UTP23: variants seen among roughly 807,000 people sequenced by gnomAD.
UTP23 encodes the protein rRNA-processing protein UTP23 homolog.
UTP23 carries 10 observed loss-of-function variants against 19.8 expected under a neutral mutation model. The ratio of observed to expected loss-of-function variants is 0.50; its 90% CI spans 0.31 to 0.86. UTP23 has a LOEUF of 0.86. Ranked by LOEUF, UTP23 falls within the 40% of genes least tolerant of loss-of-function variation. UTP23 has a pLI of 0.05. For missense variants in UTP23, 282 were observed against 293.1 expected, an observed-to-expected ratio of 0.96 and a Z score of 0.28; for synonymous variants, 108 against 105.4, an observed-to-expected ratio of 1.02 and a Z score of -0.15.
In UTP23 at chr8:116,773,518, G is replaced by A. The variant is rs1483597601; in HGVS notation, c.*1676G>A. ...ACTAAAAATTACAATGTATTAGTAA[G>A]TTTAATATTTTGACAGGGCATGGTG... On this transcript the variant is annotated 3_prime_UTR_variant, in exon 3 of 3. Coordinates refer to ENST00000309822, the MANE Select transcript of UTP23 (RefSeq NM_032334.3). The A allele has an allele frequency of 1.0e-6, 1 of 983,280 alleles. No homozygotes were observed. The highest frequency in any genetic ancestry group is 1.2e-6 in the Non-Finnish European group (1 of 828,102). 60.9% of individuals were successfully genotyped at this position (983,280 alleles called of 1,614,324 possible). A position where few individuals can be genotyped will look rare whatever the true frequency, so the allele number is the denominator to read the frequency against.
In UTP23 at chr8:116,770,341, C is replaced by T; in HGVS notation, c.338C>T (p.Pro113Leu). ...CTTTCCATGGTTGAAGAGGGAAATCCTCATCATTATTTTGTGGCAACACAG... is the reference window on the plus strand; with the variant it reads ...CTTTCCATGGTTGAAGAGGGAAATCTTCATCATTATTTTGTGGCAACACAG... Reference protein sequence around the residue: ...CLLSMVEEGNPHHYFVATQDQ... With the variant: ...CLLSMVEEGNLHHYFVATQDQ... The change falls in exon 2 of 3, where the codon CCT becomes CTT. Residue 113 changes from proline (P) to leucine (L), a missense_variant. By Grantham distance (98) the Pro-to-Leu change is moderately conservative. Transcript: ENST00000309822. The T allele has an allele frequency of 1.2e-6, 2 of 1,612,132 alleles. No individual in the cohort carries two copies. The highest frequency in any genetic ancestry group is 1.7e-6 in the Non-Finnish European group (2 of 1,178,506).
At position 116,770,303 on chromosome 8, in the gene UTP23, A is replaced by C; in HGVS notation, c.300A>C (p.Gly100=). 1 of 1,614,096 alleles carries C rather than the reference A, an allele frequency of 6.2e-7. No individual in the cohort carries two copies. Among genetic ancestry groups the C allele is most frequent in the South Asian group, 1.1e-5 (1 of 91,084 alleles). The change falls in exon 2 of 3, where the codon GGA becomes GGC. Residue 100 remains glycine (G), a synonymous_variant. Transcript: ENST00000309822. ...NCPHFKNAVS[G]SECLLSMVEE... The stretch of plus-strand genomic sequence containing the variant: ...CTCATTTCAAGAATGCAGTGAGTGG[A>C]TCAGAATGTCTGCTTTCCATGGTTG...
rs1164715559 is a variant in UTP23, at chr8:116,774,635, T to G, written c.*2793T>G. ...AGAATATATTCCATACGGGAATATA[T>G]TAGTCATTGATGTATTTTGCCGGTA... On this transcript the variant is annotated 3_prime_UTR_variant, in exon 3 of 3. Transcript: ENST00000309822. 53 of 783,938 alleles carry G rather than the reference T, an allele frequency of 6.8e-5. No individual in the cohort carries two copies. The highest frequency in any genetic ancestry group is 7.9e-5 in the Non-Finnish European group (51 of 647,632). The allele number at this position is 783,938 out of a possible 1,614,324, so 48.6% of individuals were successfully genotyped here.
At position 116,771,862 on chromosome 8, in the gene UTP23, G is replaced by A. The variant is rs1815661151; in HGVS notation, c.*20G>A. ...GAATGAATCCTTTGGATACTTTCAAGGACATTCAAATGTGAAAATGAATTT... is the reference window on the plus strand; with the variant it reads ...GAATGAATCCTTTGGATACTTTCAAAGACATTCAAATGTGAAAATGAATTT... On this transcript the variant is annotated 3_prime_UTR_variant, in exon 3 of 3. Transcript: ENST00000309822. 1.3e-6 allele frequency: 2 copies of A among 1,523,690 alleles called. No individual in the cohort carries two copies. Among genetic ancestry groups the A allele is most frequent in the East Asian group, 2.3e-5 (1 of 43,618 alleles). The allele number at this position is 1,523,690 out of a possible 1,614,324, so 94.4% of individuals were successfully genotyped here.
chr8:116,771,400 A>G, intron 2 of UTP23, 56 bp from the exon 3 acceptor site: 2 of 1,340,756 alleles, frequency 1.5e-6, no homozygotes, highest in South Asian at 4.7e-5. Flanking sequence ...TTGAAAACCT[A>G]TTTAAGGTAC....
At position 116,770,367 on chromosome 8, in the gene UTP23, G is replaced by C. The variant is rs754484396; in HGVS notation, c.363+1G>C. On this transcript the variant is annotated splice_donor_variant, in intron 2 of 2. Coordinates refer to ENST00000309822, the MANE Select transcript of UTP23 (RefSeq NM_032334.3). LOFTEE classifies it high-confidence loss of function. ...TCATCATTATTTTGTGGCAACACAG[G>C]TGATACTACTTTTAAAACCACAGGC... 21 of 1,600,032 alleles carry C rather than the reference G, an allele frequency of 1.3e-5. No individual in the cohort carries two copies. In the South Asian group the frequency reaches 2.3e-4, roughly 18 times the overall value.
rs779057620 is a variant in UTP23, at chr8:116,771,678, C to T, written c.586C>T (p.Arg196Cys). The change falls in exon 3 of 3, where the codon CGC becomes TGC. Residue 196 changes from arginine to cysteine, a missense_variant. Coordinates refer to ENST00000309822, the MANE Select transcript of UTP23 (RefSeq NM_032334.3). The stretch of plus-strand genomic sequence containing the variant: ...CACTGAACAGAGTAGAAGAAAAAAG[C>T]GCAAGAAAATAAGTGGTCCCAATCC... ...KNTEQSRRKK[R>C]KKISGPNPLS... is the part of the protein sequence containing the mutation. The T allele has an allele frequency of 3.2e-5, 52 of 1,610,538 alleles. No individual in the cohort carries two copies. Among genetic ancestry groups the T allele is most frequent in the Middle Eastern group, 1.6e-4 (1 of 6,064 alleles).
intron 1 of UTP23, 47 bp from the exon 2 acceptor site, chr8:116,770,145 C>T (rs768472105): frequency 4.1e-6 from 6 of 1,457,592 alleles, no homozygotes; most frequent in Middle Eastern, 3.7e-4. Flanking sequence ...GTTTTTTACA[C>T]CTTATGTAAA....
chr8:116,770,307 G>A lies in UTP23; in HGVS notation c.304G>A (p.Glu102Lys), dbSNP rs776513212. The A allele has an allele frequency of 6.2e-7, 1 of 1,614,026 alleles. No individual in the cohort carries two copies. The highest frequency in any genetic ancestry group is 1.7e-5 in the Admixed American group (1 of 60,032). The change falls in exon 2 of 3, where the codon GAA (glutamate) becomes AAA (lysine). Residue 102 changes from glutamate (E) to lysine (K), a missense_variant. Glu to Lys is a moderately conservative substitution (Grantham distance 56, BLOSUM62 1). Transcript: ENST00000309822. ...PHFKNAVSGS[E>K]CLLSMVEEGN... is the part of the protein sequence containing the mutation. The stretch of plus-strand genomic sequence containing the variant: ...TTTCAAGAATGCAGTGAGTGGATCA[G>A]AATGTCTGCTTTCCATGGTTGAAGA...
At chr8:116,769,873 C>G (rs1418799441) in intron 1 of UTP23, among the ~76,000 whole-genome samples, 1 of 152,160 alleles carries the variant, frequency 6.6e-6, no homozygotes. Context: ...TACTTGAAAT[C>G]TCAGAATGGG....
chr8:116,767,427 A>G (rs1247529705), intron 1 of UTP23, among the ~76,000 whole-genome samples: 2 of 152,206 alleles, frequency 1.3e-5, no homozygotes, highest in Non-Finnish European at 2.9e-5. Context: ...CATGGCCAGT[A>G]AAGTGCATAA....
In UTP23 at chr8:116,771,790, A is replaced by G. The variant is rs1232560806; in HGVS notation, c.698A>G (p.Asn233Ser). 2.5e-6 allele frequency: 4 copies of G among 1,604,360 alleles called. No individual in the cohort carries two copies. In the South Asian group the frequency reaches 3.4e-5, roughly 14 times the overall value. ...AAAAGAAAAAGAAAAAGAATTCGGA[A>G]CAGATCTAACCCAAAAGTACTTTCT... The part of the protein sequence containing the change: ...EKKRKRKRIR[N>S]RSNPKVLSEK... The change falls in exon 3 of 3, where the codon AAC becomes AGC. Residue 233 changes from asparagine (N) to serine (S), a missense_variant. By Grantham distance (46) the Asn-to-Ser change is conservative (BLOSUM62 1). Coordinates refer to ENST00000309822, the MANE Select transcript of UTP23 (RefSeq NM_032334.3).
rs761700193 is a variant in UTP23 at position 116,766,752 on chromosome 8, C to G, written c.149C>G (p.Pro50Arg). The change falls in exon 1 of 3, where the codon CCC (proline) becomes CGC (arginine). Residue 50 changes from proline to arginine, a missense_variant. Transcript: ENST00000309822. ...CGCATCCAGCTGCGGGAGCAGCTGCCCCGCTACCTCATGGGGGAGACGCAG... is the reference window on the plus strand; with the variant it reads ...CGCATCCAGCTGCGGGAGCAGCTGCGCCGCTACCTCATGGGGGAGACGCAG... ...RGRIQLREQL[P>R]RYLMGETQLC... The G allele has an allele frequency of 9.4e-6, 15 of 1,593,872 alleles. No individual in the cohort carries two copies. The highest frequency in any genetic ancestry group is 1.0e-5 in the Non-Finnish European group (12 of 1,170,120).
Position 116,774,275 on chromosome 8 carries a change from ACTT to A in UTP23, c.*2437_*2439del, listed in dbSNP as rs1815695937. 1.0e-6 allele frequency: 1 copy of A among 985,342 alleles called. No homozygotes were observed. Among genetic ancestry groups the A allele is most frequent in the Admixed American group, 6.1e-5 (1 of 16,276 alleles). The allele number at this position is 985,342 out of a possible 1,614,324, so 61.0% of individuals were successfully genotyped here. A position where few individuals can be genotyped will look rare whatever the true frequency, so the allele number is the denominator to read the frequency against. ...TTTACATTTTTATGGCCCTACAGCT[ACTT>A]CTTATCCCTGCAAGTATATAAATTA... On this transcript the variant is annotated 3_prime_UTR_variant, in exon 3 of 3. Coordinates refer to ENST00000309822, the MANE Select transcript of UTP23 (RefSeq NM_032334.3).
At position 116,771,743 on chromosome 8, in the gene UTP23, A is replaced by G. The variant is rs138695873; in HGVS notation, c.651A>G (p.Thr217=). ...AGAAAAAGAAAAAGGCACCGGACACACAATCATCTGCTTCTGAAAAGAAAA... is the reference window on the plus strand; with the variant it reads ...AGAAAAAGAAAAAGGCACCGGACACGCAATCATCTGCTTCTGAAAAGAAAA... The part of the protein sequence containing the change: ...CLKKKKKAPD[T]QSSASEKKRK... The change falls in exon 3 of 3, where the codon ACA becomes ACG. Residue 217 remains threonine (T), a synonymous_variant. Coordinates refer to ENST00000309822, the MANE Select transcript of UTP23 (RefSeq NM_032334.3). The G allele has an allele frequency of 4.2e-4, 684 of 1,611,124 alleles. 3 individuals carry two copies. In the Middle Eastern group the frequency reaches 7.9e-3, roughly 19 times the overall value.
intron 1 of UTP23, among the ~76,000 whole-genome samples, chr8:116,768,206 A>G (rs1815609315): frequency 6.6e-6 from 1 of 152,152 alleles, no homozygotes; most frequent in Non-Finnish European, 1.5e-5. Context: ...ATACCCCCAA[A>G]GTTTTGATCC....
Position 116,774,492 on chromosome 8 carries a change from A to T in UTP23, c.*2650A>T. 1.1e-6 allele frequency: 1 copy of T among 894,642 alleles called. No homozygotes were observed. The highest frequency in any genetic ancestry group is 1.3e-6 in the Non-Finnish European group (1 of 747,834). The allele number at this position is 894,642 out of a possible 1,614,324, so 55.4% of individuals were successfully genotyped here. A position where few individuals can be genotyped will look rare whatever the true frequency, so the allele number is the denominator to read the frequency against. On this transcript the variant is annotated 3_prime_UTR_variant, in exon 3 of 3. Transcript: ENST00000309822. Reference sequence around the variant, plus strand: ...TAAAAAATGTTTGCTTACTATCTATATATATGACATTATTCCCAATTAGTT... The same window carrying T: ...TAAAAAATGTTTGCTTACTATCTATTTATATGACATTATTCCCAATTAGTT...
chr8:116,770,609 C>G (rs1815639975), intron 2 of UTP23: 2 of 362,544 alleles, frequency 5.5e-6, no homozygotes, highest in Non-Finnish European at 9.9e-6. Context: ...CTTTGTTTTG[C>G]TTTTTTTGTT....
chr8:116,767,233 G>C (rs1054469149), intron 1 of UTP23, among the ~76,000 whole-genome samples: 20 of 152,194 alleles, frequency 1.3e-4, no homozygotes, highest in African/African-American at 4.8e-4. Flanking sequence ...AATGGTTGCT[G>C]TCATTTGCAT....
Sources: gnomAD v4.1 joint callset for allele counts (sites outside exome capture counted in the v4.1 genomes callset) on GRCh38, gnomAD v4.1.1 for gene constraint, MANE v1.5 for transcripts, NCBI Gene and HGNC (gene_info 2026-07-23, HGNC 2026-07-21) for gene names.